Variants in PHF8 observed in about 807,000 individuals in gnomAD.
PHF8 encodes PHD finger protein 8.
A neutral mutation model predicts 74.4 loss-of-function variants in PHF8; 9 were observed. That is an observed-to-expected ratio of 0.12 (90% CI 0.07 to 0.21). The LOEUF (loss-of-function observed/expected upper bound fraction) is 0.21. Among genes scored for constraint, PHF8 ranks in the 10% least tolerant of loss-of-function variants. PHF8 has a pLI of 1.00. For synonymous variants in PHF8, 311 were observed against 316.6 expected, an observed-to-expected ratio of 0.98 and a Z score of 0.19; for missense variants, 478 against 816.6, an observed-to-expected ratio of 0.59 and a Z score of 5.05.
rs782363065 is a variant in PHF8 at position 53,987,874 on chromosome X, G to A, written c.1801C>T (p.Leu601=). ...TCTTCCATCACCTGTTCTGCCATCAGCCTAGCCTTGTCTACCTTCTTTGCT... is the reference window on the plus strand; with the variant it reads ...TCTTCCATCACCTGTTCTGCCATCAACCTAGCCTTGTCTACCTTCTTTGCT... ...KIAKKVDKAR[L]MAEQVMEDEF... The change falls in exon 15 of 22, where the codon CTG becomes TTG. Residue 601 remains leucine (L), a synonymous_variant. Coordinates refer to ENST00000338154, the MANE Select transcript of PHF8 (RefSeq NM_015107.3). The A allele has an allele frequency of 1.6e-5, 19 of 1,207,406 alleles. No homozygotes were observed. The highest frequency in any genetic ancestry group is 2.0e-5 in the Non-Finnish European group (18 of 891,875).
chrX:54,040,480 A>T (rs782783757), intron 2 of PHF8, among the ~76,000 whole-genome samples: 5 of 112,249 alleles, frequency 4.5e-5, no homozygotes, highest in Non-Finnish European at 9.4e-5. Flanking sequence ...CTATGATATG[A>T]TTAAATAATT....
intron 2 of PHF8, among the ~76,000 whole-genome samples, chrX:54,042,325 T>A (rs1388419427): frequency 1.3e-4 from 9 of 71,381 alleles, no homozygotes; most frequent in African/African-American, 5.0e-4. Flanking sequence ...AAATAAAAAA[T>A]AAAATAGAGA....
chrX:53,993,180 C>T (rs1054512531), intron 13 of PHF8, among the ~76,000 whole-genome samples: 2 of 111,368 alleles, frequency 1.8e-5, no homozygotes, highest in East Asian at 2.8e-4. Context: ...ACCTGACACA[C>T]GCAATGTTTT....
At chrX:53,986,150 A>G (rs1557099538) in intron 16 of PHF8, among the ~76,000 whole-genome samples, 2 of 112,883 alleles carry the variant, frequency 1.8e-5, no homozygotes, top group African/African-American at 6.4e-5. Flanking sequence ...TTTTAAACAG[A>G]TAAGAAAACT....
intron 19 of PHF8, 110 bp from the exon 20 acceptor site, chrX:53,944,353 T>C (rs1569523842): frequency 5.4e-6 from 3 of 551,046 alleles, no homozygotes; most frequent in Non-Finnish European, 9.0e-6. Flanking sequence ...TTCCTGCTTC[T>C]AGCTTTTTAT....
intron 19 of PHF8, among the ~76,000 whole-genome samples, chrX:53,958,110 C>T (rs1293433113): frequency 1.9e-5 from 2 of 107,787 alleles, no homozygotes; most frequent in African/African-American, 3.4e-5. Flanking sequence ...GGCAAAATCT[C>T]GGCTCACTGC....
intron 19 of PHF8, among the ~76,000 whole-genome samples, chrX:53,962,111 T>TAA (rs1245884680): frequency 2.1e-4 from 23 of 111,748 alleles, no homozygotes; most frequent in Non-Finnish European, 1.1e-4. Flanking sequence ...TTGGCCATCT[T>TAA]AGATAGTAGG....
chrX:53,982,377 T>C (rs1557098268), intron 18 of PHF8, among the ~76,000 whole-genome samples: 2 of 112,984 alleles, frequency 1.8e-5, no homozygotes, highest in Non-Finnish European at 3.7e-5. Context: ...TTTCATTTTC[T>C]TTTTTAGCAT....
intron 19 of PHF8, among the ~76,000 whole-genome samples, chrX:53,955,772 T>TATG (rs1316591247): frequency 9.1e-6 from 1 of 109,899 alleles, no homozygotes; most frequent in Non-Finnish European, 1.9e-5. Flanking sequence ...GAAATATACA[T>TATG]ACATAGATGC....
upstream of PHF8, among the ~76,000 whole-genome samples, chrX:54,045,630 T>C (rs1358812576): frequency 1.8e-5 from 2 of 112,889 alleles, no homozygotes; most frequent in African/African-American, 3.2e-5. Flanking sequence ...TTGCAGCTGC[T>C]GTAAGAAAGA....
intron 20 of PHF8, among the ~76,000 whole-genome samples, chrX:53,940,913 G>GA (rs2064741325): frequency 8.9e-6 from 1 of 112,033 alleles, no homozygotes; most frequent in Admixed American, 9.5e-5. Flanking sequence ...GCTCTAAGAA[G>GA]AAAAAATCCT....
chrX:53,966,674 C>T lies in PHF8; in HGVS notation c.2444-3735G>A, dbSNP rs782578926. Among the ~76,000 whole-genome samples, 397 of 111,822 alleles carry T rather than the reference C, an allele frequency of 3.6e-3. 2 individuals carry two copies. Among genetic ancestry groups the T allele is most frequent in the African/African-American group, 0.012 (370 of 30,897 alleles). On this transcript the variant is annotated intron_variant, in intron 18 of 21. Coordinates refer to ENST00000338154, the MANE Select transcript of PHF8 (RefSeq NM_015107.3). ...GCCACTCCGTCTAGGAAGTGAGGAGCGTCTCTGCCTGGCCACCCATCGTCT... is the reference window on the plus strand; with the variant it reads ...GCCACTCCGTCTAGGAAGTGAGGAGTGTCTCTGCCTGGCCACCCATCGTCT...
upstream of PHF8, among the ~76,000 whole-genome samples, chrX:54,046,837 A>G (rs782047646): frequency 2.3e-4 from 26 of 111,092 alleles, no homozygotes; most frequent in Middle Eastern, 9.1e-3. Context: ...CTGTCTCTAC[A>G]AAATAAAAAT....
At chrX:54,008,034 A>G (rs1382590210) in intron 8 of PHF8, among the ~76,000 whole-genome samples, 2 of 112,374 alleles carry the variant, frequency 1.8e-5, no homozygotes, top group African/African-American at 6.5e-5. Flanking sequence ...GGATAAACAA[A>G]ATGTGGCATA....
chrX:53,979,211 T>A (rs1331157894), intron 18 of PHF8, among the ~76,000 whole-genome samples: 1 of 110,951 alleles, frequency 9.0e-6, no homozygotes, highest in African/African-American at 3.3e-5. Context: ...TGAAGTCCTG[T>A]CTCAACTAAA....
At chrX:53,965,721 T>A (rs2065174795) in intron 18 of PHF8, among the ~76,000 whole-genome samples, 1 of 111,741 alleles carries the variant, frequency 8.9e-6, no homozygotes, top group Non-Finnish European at 1.9e-5. Context: ...ACAATCTTTG[T>A]AAAAAGTAGT....
chrX:53,947,229 C>G (rs1484754494), intron 19 of PHF8, among the ~76,000 whole-genome samples: 7 of 111,417 alleles, frequency 6.3e-5, no homozygotes, highest in African/African-American at 2.3e-4. Flanking sequence ...CCAGGATGGT[C>G]TTGAACTCCT....
At chrX:54,007,046 T>A (rs2065907658) in intron 8 of PHF8, among the ~76,000 whole-genome samples, 1 of 111,229 alleles carries the variant, frequency 9.0e-6, no homozygotes, top group Non-Finnish European at 1.9e-5. Flanking sequence ...TGTACAATAA[T>A]TGAGATGGTG....
intron 2 of PHF8, among the ~76,000 whole-genome samples, chrX:54,042,387 T>G: frequency 9.8e-6 from 1 of 101,886 alleles, no homozygotes; most frequent in Admixed American, 1.0e-4. Flanking sequence ...GGGGGGGTCT[T>G]ATAAATCTAA....
Sources: allele counts gnomAD v4.1 joint callset (sites outside exome capture counted in the v4.1 genomes callset), GRCh38; gene constraint gnomAD v4.1.1; transcripts MANE v1.5; gene names NCBI Gene and HGNC (gene_info 2026-07-23, HGNC 2026-07-21).